The following PHF8 variants were observed in gnomAD, a reference collection of about 807,000 sequenced individuals.
PHF8 encodes the protein PHD finger protein 8.
PHF8 carries 9 observed loss-of-function variants against 74.4 expected under a neutral mutation model. The observed-to-expected ratio is 0.12, with a 90% confidence interval of 0.07 to 0.21. The LOEUF (loss-of-function observed/expected upper bound fraction) is 0.21, where lower values mean the gene tolerates loss of function less well. Among genes scored for constraint, PHF8 ranks in the 10% least tolerant of loss-of-function variants. The probability of loss-of-function intolerance (pLI) is 1.00; values close to 1 mark genes in which losing one functional copy is unlikely to be tolerated. For synonymous variants in PHF8, 311 were observed against 316.6 expected (o/e 0.98, Z 0.19); for missense variants, 478 against 816.6 (o/e 0.59, Z 5.05).
intron 18 of PHF8, among the ~76,000 whole-genome samples, chrX:53,981,207 C>G (rs1000911548): frequency 1.8e-5 from 2 of 112,185 alleles, no homozygotes; most frequent in Admixed American, 9.5e-5. Flanking sequence ...AAGTGAGACT[C>G]GGTCTCAAAA....
intron 11 of PHF8, among the ~76,000 whole-genome samples, chrX:53,997,565 C>G (rs1176079461): frequency 9.0e-6 from 1 of 111,314 alleles, no homozygotes; most frequent in Non-Finnish European, 1.9e-5. Context: ...GGAGCAGGTT[C>G]CTCCCCTACA....
At chrX:54,005,042 T>C (rs1557105002) in intron 8 of PHF8, among the ~76,000 whole-genome samples, 1 of 110,837 alleles carries the variant, frequency 9.0e-6, no homozygotes, top group Non-Finnish European at 1.9e-5. Context: ...TTACCCAATC[T>C]GAACTTGAAC....
chrX:53,982,443 T>C (rs1306512469), intron 18 of PHF8, among the ~76,000 whole-genome samples: 1 of 112,908 alleles, frequency 8.9e-6, no homozygotes, highest in Non-Finnish European at 1.9e-5. Flanking sequence ...AACAGAATAA[T>C]ATTAATAATA....
At chrX:54,042,922 AAC>A (rs2066586875) in intron 1 of PHF8, 102 bp from the exon 2 acceptor site, 1 of 651,825 alleles carries the variant, frequency 1.5e-6, no homozygotes, top group African/African-American at 2.6e-5. Context: ...GCCGGGATGC[AAC>A]ACAGCTGGTG....
intron 15 of PHF8, among the ~76,000 whole-genome samples, 185 bp downstream of exon 15, chrX:53,987,581 T>C (rs1557099936): frequency 9.0e-6 from 1 of 111,669 alleles, no homozygotes; most frequent in Non-Finnish European, 1.9e-5. Flanking sequence ...TGGTGGCACA[T>C]GCCTGTAATC....
chrX:54,042,936 G>A, intron 1 of PHF8, 116 bp from the exon 2 acceptor site: 1 of 581,093 alleles, frequency 1.7e-6, no homozygotes, highest in Non-Finnish European at 2.6e-6. Flanking sequence ...CAGCTGGTGC[G>A]GCTGTAGGGG....
chrX:53,968,148 T>G (rs782535015), intron 18 of PHF8, among the ~76,000 whole-genome samples: 6 of 107,535 alleles, frequency 5.6e-5, no homozygotes, highest in South Asian at 3.9e-4. Flanking sequence ...AAAGTGAAAT[T>G]GCAACATAAA....
intron 7 of PHF8, among the ~76,000 whole-genome samples, chrX:54,013,526 A>C (rs144051621): frequency 1.8e-5 from 2 of 111,678 alleles, no homozygotes; most frequent in African/African-American, 6.5e-5. Flanking sequence ...TCAATTAAGA[A>C]GGTAAGAACG....
intron 18 of PHF8, among the ~76,000 whole-genome samples, chrX:53,964,073 T>C (rs1022718207): frequency 2.7e-5 from 3 of 112,061 alleles, no homozygotes; most frequent in African/African-American, 9.7e-5. Flanking sequence ...GATGAGTTCG[T>C]GTCCTTTGCA....
intron 8 of PHF8, among the ~76,000 whole-genome samples, chrX:54,002,969 T>C (rs781794822): frequency 5.8e-4 from 65 of 112,100 alleles, no homozygotes; most frequent in African/African-American, 1.8e-3. Flanking sequence ...TTCCAGGAAG[T>C]ACATGATGTG....
chrX:53,985,598 T>C, intron 17 of PHF8: 1 of 584,297 alleles, frequency 1.7e-6, no homozygotes, highest in Non-Finnish European at 2.7e-6. Context: ...CCAAAATTGA[T>C]TCCTCTTGAA....
intron 18 of PHF8, among the ~76,000 whole-genome samples, chrX:53,976,372 ATAATC>A (rs1157110766): frequency 8.1e-5 from 9 of 111,614 alleles, no homozygotes; most frequent in African/African-American, 2.9e-4. Context: ...TCTCAAATAA[ATAATC>A]TAAACGATCA....
Position 53,992,818 on chromosome X carries a change from A to G in PHF8, c.1648T>C (p.Leu550=). 8.4e-7 allele frequency: 1 copy of G among 1,195,307 alleles called. No homozygotes were observed. The highest frequency in any genetic ancestry group is 1.8e-5 in the South Asian group (1 of 56,082). ...KAKFNITGAC[L]NDSDDDSPDL... ...GGTGAGTCGTCATCTGAGTCATTCA[A>G]GCAGGCACCAGTGATGTTGAACTGT... is the stretch of plus-strand genomic sequence containing the variant. The change falls in exon 14 of 22, where the codon TTG becomes CTG. Residue 550 remains leucine, a synonymous_variant. Transcript: ENST00000338154.
intron 9 of PHF8, 111 bp from the exon 10 acceptor site, chrX:54,002,372 G>C: frequency 6.9e-6 from 4 of 578,687 alleles, no homozygotes; most frequent in Non-Finnish European, 1.2e-5. Flanking sequence ...AAATGACTCT[G>C]CAAGATCTGA....
At chrX:54,015,426 A>G (rs2066048067) in intron 6 of PHF8, among the ~76,000 whole-genome samples, 1 of 108,934 alleles carries the variant, frequency 9.2e-6, no homozygotes, top group Non-Finnish European at 1.9e-5. Context: ...AACATAAAAA[A>G]TTAGCCGGGT....
chrX:54,021,305 T>C (rs1462937131), intron 4 of PHF8, among the ~76,000 whole-genome samples: 2 of 110,110 alleles, frequency 1.8e-5, no homozygotes, highest in Admixed American at 9.8e-5. Context: ...AGGGAGGTAG[T>C]AGGGAAGGGG....
rs192953552 is a variant in PHF8 at position 53,960,475 on chromosome X, C to A, written c.2539+2369G>T. The stretch of plus-strand genomic sequence containing the variant: ...GCATAATTGTATACATGTGGCCAGG[C>A]GTGGTGGCTCATACCTGTAATTCCA... On this transcript the variant is annotated intron_variant, in intron 19 of 21. Coordinates refer to ENST00000338154, the MANE Select transcript of PHF8 (RefSeq NM_015107.3). Among the ~76,000 whole-genome samples, 607 of 109,225 alleles carry A rather than the reference C, an allele frequency of 5.6e-3. 2 individuals carry two copies. The highest frequency in any genetic ancestry group is 0.019 in the African/African-American group (576 of 30,139). The allele number at this position is 109,225 out of a possible 115,157, so 94.8% of individuals were successfully genotyped here. A position where few individuals can be genotyped will look rare whatever the true frequency, so the allele number is the denominator to read the frequency against.
intron 4 of PHF8, among the ~76,000 whole-genome samples, chrX:54,021,489 G>C: frequency 2.6e-5 from 1 of 39,061 alleles, no homozygotes; most frequent in Admixed American, 4.2e-4. Flanking sequence ...TTTTTTTTGA[G>C]ACGGAGTCTC....
chrX:54,021,775 A>C (rs2066181241), intron 4 of PHF8, among the ~76,000 whole-genome samples: 1 of 110,919 alleles, frequency 9.0e-6, no homozygotes, highest in African/African-American at 3.3e-5. Flanking sequence ...GCCAGTTGCA[A>C]TTATTTTTAA....
Sources: gnomAD v4.1 joint callset for allele counts (sites outside exome capture counted in the v4.1 genomes callset) on GRCh38, gnomAD v4.1.1 for gene constraint, MANE v1.5 for transcripts, NCBI Gene and HGNC (gene_info 2026-07-23, HGNC 2026-07-21) for gene names.